Variants in SRPK1 observed in about 807,000 individuals in gnomAD.
The protein encoded by SRPK1 is SRSF protein kinase 1, also known as SFRS protein kinase 1.
In SRPK1, 52 loss-of-function variants were observed where a neutral mutation model predicts 89.5. That is an observed-to-expected ratio of 0.58 (90% CI 0.46 to 0.73). The LOEUF is 0.73. SRPK1 is among the 30% of genes least tolerant of loss of function. The pLI is 0.00. For synonymous variants in SRPK1, 255 were observed against 270.2 expected (o/e 0.94, Z 0.55); for missense variants, 603 against 780.6 (o/e 0.77, Z 2.71).
chr6:35,882,333 CAG>C (rs1474719720), intron 6 of SRPK1, among the ~76,000 whole-genome samples: 1 of 150,708 alleles, frequency 6.6e-6, no homozygotes, highest in Non-Finnish European at 1.5e-5. Context: ...ATCTTTTTGT[CAG>C]AGAATGCATC....
intron 5 of SRPK1, 21 bp downstream of exon 5, chr6:35,888,003 T>C: frequency 1.4e-5 from 21 of 1,527,458 alleles, no homozygotes; most frequent in Non-Finnish European, 1.8e-5. Context: ...TTCACATTCA[T>C]ACATATAATC....
chr6:35,902,355 G>A (rs1770761743), intron 2 of SRPK1, among the ~76,000 whole-genome samples: 1 of 151,960 alleles, frequency 6.6e-6, no homozygotes, highest in Admixed American at 6.5e-5. Flanking sequence ...TGATGCAGCT[G>A]TAAGCTATGA....
chr6:35,847,494 C>T (rs1448695180), intron 13 of SRPK1, among the ~76,000 whole-genome samples: 1 of 152,188 alleles, frequency 6.6e-6, no homozygotes, highest in Non-Finnish European at 1.5e-5. Context: ...AGGCATAAGC[C>T]ACCAAGCCTG....
chr6:35,916,714 AG>A (rs1260421864), intron 2 of SRPK1, among the ~76,000 whole-genome samples: 1 of 152,250 alleles, frequency 6.6e-6, no homozygotes, highest in Non-Finnish European at 1.5e-5. Flanking sequence ...TAATAAAATC[AG>A]TAAGTATGAA....
intron 6 of SRPK1, among the ~76,000 whole-genome samples, chr6:35,876,135 G>A (rs1444692548): frequency 4.8e-5 from 6 of 125,132 alleles, no homozygotes; most frequent in African/African-American, 1.8e-4. Context: ...TCCAAACTAC[G>A]TAAGATTAAA....
chr6:35,833,808 C>T lies in SRPK1; in HGVS notation c.*1496G>A, dbSNP rs1769114439. ...ACCCAATAGCCTCACTGGTGGCTTGCTAGCAGAGCCTCAAGTTGCACCTCT... is the reference window on the plus strand; with the variant it reads ...ACCCAATAGCCTCACTGGTGGCTTGTTAGCAGAGCCTCAAGTTGCACCTCT... On this transcript the variant is annotated 3_prime_UTR_variant, in exon 16 of 16. Transcript: ENST00000373825. 1 of 152,416 alleles carries T rather than the reference C, an allele frequency of 6.6e-6. No individual in the cohort carries two copies. The highest frequency in any genetic ancestry group is 1.5e-5 in the Non-Finnish European group (1 of 68,020). The allele number at this position is 152,416 out of a possible 1,614,324, so 9.4% of individuals were successfully genotyped here. A position where few individuals can be genotyped will look rare whatever the true frequency, so the allele number is the denominator to read the frequency against.
rs894913542 is a variant in SRPK1 at position 35,833,147 on chromosome 6, G to A, written c.*2157C>T. On this transcript the variant is annotated 3_prime_UTR_variant, in exon 16 of 16. Transcript: ENST00000373825. The stretch of plus-strand genomic sequence containing the variant: ...CTTTATTTTTAACTGACAGCAAATA[G>A]AAATCCTTTAGTGAGATCGTGGCAA... 2 of 152,610 alleles carry A rather than the reference G, an allele frequency of 1.3e-5. No individual in the cohort carries two copies. The highest frequency in any genetic ancestry group is 4.8e-5 in the African/African-American group (2 of 41,430). 9.5% of individuals were successfully genotyped at this position (152,610 alleles called of 1,614,324 possible). A position where few individuals can be genotyped will look rare whatever the true frequency, so the allele number is the denominator to read the frequency against.
At chr6:35,918,352 T>C (rs1771158264) in intron 2 of SRPK1, among the ~76,000 whole-genome samples, 1 of 151,442 alleles carries the variant, frequency 6.6e-6, no homozygotes, top group South Asian at 2.1e-4. Context: ...AATACAAAAA[T>C]TAACCAGGCG....
intron 12 of SRPK1, among the ~76,000 whole-genome samples, chr6:35,868,628 G>A (rs1769961654): frequency 6.6e-6 from 1 of 152,160 alleles, no homozygotes; most frequent in Admixed American, 6.5e-5. Context: ...TTAAAAGGAG[G>A]TTACAATTTA....
At chr6:35,860,612 T>C (rs555646151) in intron 12 of SRPK1, among the ~76,000 whole-genome samples, 1 of 152,338 alleles carries the variant, frequency 6.6e-6, no homozygotes, top group East Asian at 1.9e-4. Flanking sequence ...GTACCTACTC[T>C]GTACCAGGCA....
chr6:35,875,680 AT>A (rs1267778744), intron 6 of SRPK1, among the ~76,000 whole-genome samples: 3 of 152,174 alleles, frequency 2.0e-5, no homozygotes, highest in Non-Finnish European at 4.4e-5. Context: ...GAAAATCACC[AT>A]TTTTACAATC....
intron 2 of SRPK1, among the ~76,000 whole-genome samples, chr6:35,910,025 T>C (rs562674348): frequency 6.6e-6 from 1 of 152,182 alleles, no homozygotes; most frequent in African/African-American, 2.4e-5. Flanking sequence ...CTCTTATTGC[T>C]CAGGCTAGAG....
At chr6:35,892,087 C>T (rs993484574) in intron 2 of SRPK1, among the ~76,000 whole-genome samples, 1 of 152,120 alleles carries the variant, frequency 6.6e-6, no homozygotes, top group African/African-American at 2.4e-5. Context: ...GACTGCTTCC[C>T]AAAAAGGTTG....
At chr6:35,906,400 T>C (rs1200480521) in intron 2 of SRPK1, among the ~76,000 whole-genome samples, 1 of 152,198 alleles carries the variant, frequency 6.6e-6, no homozygotes, top group African/African-American at 2.4e-5. Flanking sequence ...GATTTTTGTA[T>C]TTTTAGTAGA....
chr6:35,913,567 G>C (rs1490571641), intron 2 of SRPK1, among the ~76,000 whole-genome samples: 2 of 152,076 alleles, frequency 1.3e-5, no homozygotes, highest in Non-Finnish European at 2.9e-5. Context: ...GGGAGGCCAG[G>C]GTAGGTGATC....
At chr6:35,911,482 A>C (rs1581600679) in intron 2 of SRPK1, among the ~76,000 whole-genome samples, 1 of 152,166 alleles carries the variant, frequency 6.6e-6, no homozygotes, top group East Asian at 1.9e-4. Context: ...TGGGAGGCCA[A>C]GGTGGGAGGA....
chr6:35,854,705 A>T (rs1325394978), intron 13 of SRPK1, among the ~76,000 whole-genome samples: 3 of 139,798 alleles, frequency 2.1e-5, no homozygotes, highest in African/African-American at 7.9e-5. Context: ...AACAAAACAG[A>T]AATGTGGAAT....
chr6:35,893,440 G>GTGC (rs1770562894), intron 2 of SRPK1, among the ~76,000 whole-genome samples: 2 of 151,950 alleles, frequency 1.3e-5, no homozygotes, highest in Non-Finnish European at 2.9e-5. Context: ...AGTCATGACT[G>GTGC]TGCCACTGCA....
At chr6:35,868,490 CAG>C (rs1455765864) in intron 12 of SRPK1, among the ~76,000 whole-genome samples, 3 of 152,150 alleles carry the variant, frequency 2.0e-5, no homozygotes, top group Non-Finnish European at 1.5e-5. Context: ...GATTTGCGTG[CAG>C]AGTCTCATCA....
Sources: allele counts gnomAD v4.1 joint callset (sites outside exome capture counted in the v4.1 genomes callset), GRCh38; gene constraint gnomAD v4.1.1; transcripts MANE v1.5; gene names NCBI Gene and HGNC (gene_info 2026-07-23, HGNC 2026-07-21).